The following CDK6 variants were observed in gnomAD, a reference collection of about 807,000 sequenced individuals.
CDK6 encodes the protein cyclin-dependent kinase 6.
CDK6 carries 6 observed loss-of-function variants against 37.1 expected under a neutral mutation model. The ratio of observed to expected loss-of-function variants is 0.16; its 90% CI spans 0.09 to 0.32. The LOEUF is 0.32. CDK6 is among the 10% of genes least tolerant of loss of function. The pLI, the probability that CDK6 is intolerant of heterozygous loss-of-function variation, is 1.00. For missense variants in CDK6, 224 were observed against 418.9 expected, an observed-to-expected ratio of 0.53 and a Z score of 4.06; for synonymous variants, 160 against 161.3, an observed-to-expected ratio of 0.99 and a Z score of 0.06.
At chr7:92,747,375 C>A (rs1349937821) in intron 3 of CDK6, among the ~76,000 whole-genome samples, 1 of 152,154 alleles carries the variant, frequency 6.6e-6, no homozygotes, top group Non-Finnish European at 1.5e-5. Context: ...GATTAATCAG[C>A]TGAAAACACA....
chr7:92,828,406 T>C (rs764867774), intron 2 of CDK6, among the ~76,000 whole-genome samples: 2 of 152,184 alleles, frequency 1.3e-5, no homozygotes, highest in Non-Finnish European at 2.9e-5. Flanking sequence ...CAAAAATTGC[T>C]ACTTAGTTTT....
chr7:92,641,912 C>T (rs942671531), intron 5 of CDK6, among the ~76,000 whole-genome samples: 1 of 152,202 alleles, frequency 6.6e-6, no homozygotes, highest in Non-Finnish European at 1.5e-5. Context: ...ACATTCTGTT[C>T]GATTAATTAA....
At chr7:92,652,436 C>A (rs1164864931) in intron 5 of CDK6, among the ~76,000 whole-genome samples, 1 of 151,908 alleles carries the variant, frequency 6.6e-6, no homozygotes, top group Non-Finnish European at 1.5e-5. Flanking sequence ...TTTTTTAGGT[C>A]TTTAGAGACC....
At chr7:92,803,754 T>C (rs1322375666) in intron 2 of CDK6, among the ~76,000 whole-genome samples, 4 of 152,240 alleles carry the variant, frequency 2.6e-5, no homozygotes, top group East Asian at 1.9e-4. Context: ...AAGTTACTCA[T>C]ACAGGTTTAT....
chr7:92,724,742 T>C (rs1798468625), intron 4 of CDK6, among the ~76,000 whole-genome samples: 1 of 152,218 alleles, frequency 6.6e-6, no homozygotes, highest in Non-Finnish European at 1.5e-5. Flanking sequence ...TTTTATTTCT[T>C]TGAATATACA....
At chr7:92,764,481 A>G (rs939839725) in intron 3 of CDK6, among the ~76,000 whole-genome samples, 2 of 152,102 alleles carry the variant, frequency 1.3e-5, no homozygotes, top group East Asian at 1.9e-4. Context: ...TTTACTCCCT[A>G]AACTCCAAGT....
intron 2 of CDK6, among the ~76,000 whole-genome samples, chr7:92,831,118 T>C (rs1272905321): frequency 6.6e-6 from 1 of 152,250 alleles, no homozygotes; most frequent in East Asian, 1.9e-4. Context: ...ACAATGCCTT[T>C]GTCTTCAGTT....
intron 5 of CDK6, among the ~76,000 whole-genome samples, chr7:92,663,826 T>C (rs1796892603): frequency 6.6e-6 from 1 of 152,180 alleles, no homozygotes; most frequent in South Asian, 2.1e-4. Flanking sequence ...GGTACCATCT[T>C]GGATATTTCC....
chr7:92,613,693 C>T lies in CDK6; in HGVS notation c.*1447G>A, dbSNP rs1264821634. 8.6e-6 allele frequency: 2 copies of T among 232,918 alleles called. No homozygotes were observed. The highest frequency in any genetic ancestry group is 6.0e-5 in the East Asian group (1 of 16,560). 14.4% of individuals were successfully genotyped at this position (232,918 alleles called of 1,614,324 possible). ...CCTAAAACATAGCTAAAGACATACCCTCAGGTAAAGACACTGAAAATATCT... is the reference window on the plus strand; with the variant it reads ...CCTAAAACATAGCTAAAGACATACCTTCAGGTAAAGACACTGAAAATATCT... On this transcript the variant is annotated 3_prime_UTR_variant, in exon 8 of 8. Transcript: ENST00000424848.
chr7:92,714,952 C>T (rs1798191727), intron 4 of CDK6, among the ~76,000 whole-genome samples: 1 of 152,044 alleles, frequency 6.6e-6, no homozygotes, highest in South Asian at 2.1e-4. Flanking sequence ...TGCCACATTC[C>T]AAAACCAGTG....
Position 92,783,639 on chromosome 7 carries a change from TG to T in CDK6, c.234-8809del, listed in dbSNP as rs1342782004. Among the ~76,000 whole-genome samples, 9 of 152,328 alleles carry T rather than the reference TG, an allele frequency of 5.9e-5. No homozygotes were observed. In the East Asian group the frequency reaches 1.5e-3, roughly 26 times the overall value. ...TCTAGGAGTTAATATCTTCTGAATC[TG>T]TTAACCAAAAAATGTTTTACATGTG... On this transcript the variant is annotated intron_variant, in intron 2 of 7. Transcript: ENST00000424848.
At chr7:92,758,717 G>A (rs1799378762) in intron 3 of CDK6, among the ~76,000 whole-genome samples, 1 of 152,146 alleles carries the variant, frequency 6.6e-6, no homozygotes, top group Non-Finnish European at 1.5e-5. Flanking sequence ...TCTGTAAATT[G>A]TCTTGGGCAG....
intron 5 of CDK6, 54 bp from the exon 6 acceptor site, chr7:92,623,140 A>G (rs1375388661): frequency 2.5e-6 from 3 of 1,184,416 alleles, no homozygotes; most frequent in African/African-American, 3.1e-5. Context: ...TTACATTTCA[A>G]TCATATTTGC....
intron 3 of CDK6, among the ~76,000 whole-genome samples, chr7:92,755,915 T>C (rs1009770176): frequency 1.3e-5 from 2 of 152,152 alleles, no homozygotes; most frequent in African/African-American, 4.8e-5. Context: ...TCTTTCACTC[T>C]TTCTTGCACA....
At chr7:92,667,216 A>AT (rs1263464280) in intron 5 of CDK6, among the ~76,000 whole-genome samples, 1 of 151,948 alleles carries the variant, frequency 6.6e-6, no homozygotes, top group Non-Finnish European at 1.5e-5. Context: ...TTATTTATTT[A>AT]TTTTTTTTAG....
chr7:92,673,187 ACTGACCTCC>A (rs1286675809), intron 4 of CDK6, among the ~76,000 whole-genome samples: 1 of 152,206 alleles, frequency 6.6e-6, no homozygotes, highest in African/African-American at 2.4e-5. Context: ...ATTCAAGCCA[ACTGACCTCC>A]CATATAACTG....
intron 7 of CDK6, among the ~76,000 whole-genome samples, chr7:92,615,526 C>G (rs1795657716): frequency 6.6e-6 from 1 of 152,210 alleles, no homozygotes; most frequent in African/African-American, 2.4e-5. Context: ...CCCAGGATTT[C>G]TCACTAAGCC....
intron 5 of CDK6, among the ~76,000 whole-genome samples, chr7:92,667,044 T>C (rs571294054): frequency 1.3e-5 from 2 of 152,292 alleles, no homozygotes; most frequent in South Asian, 2.1e-4. Flanking sequence ...GACAGTGATA[T>C]TGACCATCCT....
chr7:92,757,839 T>C (rs1437747105), intron 3 of CDK6, among the ~76,000 whole-genome samples: 2 of 152,234 alleles, frequency 1.3e-5, no homozygotes, highest in East Asian at 1.9e-4. Context: ...TTTTTAATAA[T>C]AGCCATTCTG....
Sources: allele counts gnomAD v4.1 joint callset (sites outside exome capture counted in the v4.1 genomes callset), GRCh38; gene constraint gnomAD v4.1.1; transcripts MANE v1.5; gene names NCBI Gene and HGNC (gene_info 2026-07-23, HGNC 2026-07-21).